TEX9: variants seen among roughly 807,000 people sequenced by gnomAD.
TEX9 encodes testis-expressed protein 9.
In TEX9, 74 loss-of-function variants were observed where a neutral mutation model predicts 59.6. That is an observed-to-expected ratio of 1.24 (90% CI 1.03 to 1.51). The LOEUF is 1.51. TEX9 is among the 40% of genes most tolerant of loss of function. TEX9 has a pLI of 0.00. For missense variants in TEX9, 522 were observed against 447.8 expected, an observed-to-expected ratio of 1.17 and a Z score of -1.49; for synonymous variants, 186 against 152.2, an observed-to-expected ratio of 1.22 and a Z score of -1.64.
chr15:56,394,804 A>G (rs2048379232), exon 9 of TEX9: 1 of 1,612,542 alleles, frequency 6.2e-7, no homozygotes, highest in Non-Finnish European at 8.5e-7. Flanking sequence ...AGTATGATGG[A>G]TTACAGCAAC....
chr15:56,295,977 A>G (rs2045208330), intron 1 of TEX9, among the ~76,000 whole-genome samples: 1 of 151,612 alleles, frequency 6.6e-6, no homozygotes, highest in African/African-American at 2.4e-5. Flanking sequence ...CATATTTTCT[A>G]CTCTCTACCT....
At chr15:56,339,189 C>T (rs1439451053) in intron 1 of TEX9, among the ~76,000 whole-genome samples, 1 of 151,272 alleles carries the variant, frequency 6.6e-6, no homozygotes, top group Non-Finnish European at 1.5e-5. Context: ...TCCAGACTAG[C>T]CTGGCCAACA....
intron 1 of TEX9, among the ~76,000 whole-genome samples, chr15:56,264,343 C>T (rs1347879367): frequency 2.6e-5 from 4 of 152,108 alleles, no homozygotes; most frequent in African/African-American, 9.7e-5. Flanking sequence ...TGTAGAACAC[C>T]TTTTTATGTC....
At chr15:56,421,009 G>T (rs79866017) in intron 10 of TEX9, among the ~76,000 whole-genome samples, 2,088 of 151,888 alleles carry the variant, frequency 0.014, 71 homozygotes, top group African/African-American at 0.04. Context: ...ATAGGAATGT[G>T]CATTCTGTAT....
chr15:56,327,921 G>A (rs74605941), intron 1 of TEX9, among the ~76,000 whole-genome samples: 6,690 of 152,136 alleles, frequency 0.044, 223 homozygotes, highest in Admixed American at 0.087. Context: ...CACAAGAACC[G>A]CAACTCTTAG....
intron 3 of TEX9, among the ~76,000 whole-genome samples, chr15:56,381,607 A>G (rs1232613178): frequency 6.6e-6 from 1 of 152,180 alleles, no homozygotes; most frequent in South Asian, 2.1e-4. Flanking sequence ...GTTTTTGCAG[A>G]CTTGTAGAGG....
At chr15:56,431,441 T>A in intron 12 of TEX9, 1 of 1,613,710 alleles carries the variant, frequency 6.2e-7, no homozygotes, top group Non-Finnish European at 8.5e-7. Context: ...TCTTCAATAA[T>A]TGCATTAATA....
intron 1 of TEX9, among the ~76,000 whole-genome samples, chr15:56,310,126 C>A (rs1358448827): frequency 6.6e-6 from 1 of 152,160 alleles, no homozygotes; most frequent in Non-Finnish European, 1.5e-5. Flanking sequence ...TGGCTTTGAT[C>A]TCTTAGAAAT....
At chr15:56,372,544 TAAC>T (rs2047239291) in intron 2 of TEX9, among the ~76,000 whole-genome samples, 1 of 152,170 alleles carries the variant, frequency 6.6e-6, no homozygotes, top group African/African-American at 2.4e-5. Context: ...AAAGGGGACT[TAAC>T]AATAGGGACA....
chr15:56,253,072 G>T (rs938967397), intron 1 of TEX9, among the ~76,000 whole-genome samples: 1 of 151,954 alleles, frequency 6.6e-6, no homozygotes, highest in African/African-American at 2.4e-5. Context: ...AACCAAAAGT[G>T]GTGGCAGCCT....
intron 1 of TEX9, among the ~76,000 whole-genome samples, chr15:56,309,354 A>G (rs2045551222): frequency 6.6e-6 from 1 of 152,100 alleles, no homozygotes; most frequent in African/African-American, 2.4e-5. Flanking sequence ...TTGGTATTAT[A>G]TTAGTTGATT....
chr15:56,304,102 C>G (rs2045422420), intron 1 of TEX9, among the ~76,000 whole-genome samples: 1 of 152,188 alleles, frequency 6.6e-6, no homozygotes, highest in Non-Finnish European at 1.5e-5. Flanking sequence ...TCAAACTATT[C>G]TAGAAAATAG....
At chr15:56,420,703 A>G (rs1268970890) in intron 10 of TEX9, among the ~76,000 whole-genome samples, 1 of 151,890 alleles carries the variant, frequency 6.6e-6, no homozygotes, top group Admixed American at 6.5e-5. Flanking sequence ...ATGTTTCTCT[A>G]TGAATTTCCT....
At chr15:56,296,229 T>G (rs182069135) in intron 1 of TEX9, among the ~76,000 whole-genome samples, 1 of 152,334 alleles carries the variant, frequency 6.6e-6, no homozygotes, top group Non-Finnish European at 1.5e-5. Flanking sequence ...ATATAATACC[T>G]TGTAAAACTA....
intron 12 of TEX9, among the ~76,000 whole-genome samples, chr15:56,437,972 A>C (rs1448920704): frequency 1.3e-5 from 2 of 152,240 alleles, no homozygotes; most frequent in Non-Finnish European, 2.9e-5. Flanking sequence ...AAGACGACAC[A>C]AACAAATGGA....
intron 12 of TEX9, among the ~76,000 whole-genome samples, chr15:56,437,687 CA>C (rs1323734497): frequency 6.6e-5 from 10 of 152,168 alleles, no homozygotes; most frequent in African/African-American, 1.9e-4. Flanking sequence ...TCCTTGTTTG[CA>C]GATGACATGA....
At chr15:56,401,641 T>A (rs62022127) in intron 9 of TEX9, among the ~76,000 whole-genome samples, 52,148 of 152,012 alleles carry the variant, frequency 0.34, 10,448 homozygotes, top group Non-Finnish European at 0.45. Flanking sequence ...AAGCAGACCT[T>A]ATAGACATCT....
At chr15:56,324,433 C>T (rs530029742) in intron 1 of TEX9, among the ~76,000 whole-genome samples, 2 of 152,074 alleles carry the variant, frequency 1.3e-5, no homozygotes, top group African/African-American at 4.8e-5. Flanking sequence ...GAGTTACACA[C>T]ATAAGTGGTG....
exon 4 of TEX9, chr15:56,383,977 G>T (rs766938155): frequency 1.9e-6 from 3 of 1,612,226 alleles, no homozygotes; most frequent in Non-Finnish European, 2.5e-6. Context: ...GTACGATCTA[G>T]GCCTGTTTCA....
Sources: allele counts gnomAD v4.1 joint callset (sites outside exome capture counted in the v4.1 genomes callset), GRCh38; gene constraint gnomAD v4.1.1; transcripts MANE v1.5; gene names NCBI Gene and HGNC (gene_info 2026-07-23, HGNC 2026-07-21).